Variants in TENM4 observed in about 807,000 individuals in gnomAD.
The protein encoded by TENM4 is teneurin-4.
Under a neutral mutation model 243.3 loss-of-function variants are expected in TENM4, and 82 were observed. That is an observed-to-expected ratio of 0.34 (90% CI 0.28 to 0.40). TENM4 has a LOEUF of 0.40. Ranked by LOEUF, TENM4 falls within the 10% of genes least tolerant of loss-of-function variation. TENM4 has a pLI of 1.00. For synonymous variants in TENM4, 1,412 were observed against 1,456.3 expected (o/e 0.97, Z 0.69); for missense variants, 3,138 against 3,673.3 (o/e 0.85, Z 3.77).
At chr11:78,713,440 CAGAG>C (rs1859447126) in intron 25 of TENM4, among the ~76,000 whole-genome samples, 1 of 152,212 alleles carries the variant, frequency 6.6e-6, no homozygotes, top group Non-Finnish European at 1.5e-5. Context: ...GCTGTGCCAA[CAGAG>C]AGAGAAGCTT....
At chr11:79,184,301 G>T (rs1863344003) in intron 3 of TENM4, among the ~76,000 whole-genome samples, 1 of 152,110 alleles carries the variant, frequency 6.6e-6, no homozygotes, top group African/African-American at 2.4e-5. Context: ...GATGGTTTCA[G>T]GATGAACCTG....
At chr11:79,421,293 T>A (rs1039210568) in intron 1 of TENM4, among the ~76,000 whole-genome samples, 1 of 152,220 alleles carries the variant, frequency 6.6e-6, no homozygotes, top group Non-Finnish European at 1.5e-5. Context: ...TTCATCCATA[T>A]GTATGTGAAG....
chr11:78,880,709 C>T (rs1439915084), intron 9 of TENM4, among the ~76,000 whole-genome samples: 1 of 152,202 alleles, frequency 6.6e-6, no homozygotes, highest in Non-Finnish European at 1.5e-5. Context: ...TTGTTTGCCC[C>T]AGTATCTTGA....
intron 1 of TENM4, among the ~76,000 whole-genome samples, chr11:79,390,386 C>T (rs573584334): frequency 6.6e-6 from 1 of 152,226 alleles, no homozygotes; most frequent in Non-Finnish European, 1.5e-5. Flanking sequence ...CATTTGCTCT[C>T]TACAGTACTT....
chr11:78,805,168 G>A (rs1391613941), intron 15 of TENM4, 124 bp downstream of exon 15: 1 of 597,942 alleles, frequency 1.7e-6, no homozygotes. Flanking sequence ...CAGAGAAAGA[G>A]GAAAAGCACT....
intron 28 of TENM4, among the ~76,000 whole-genome samples, chr11:78,696,529 G>A (rs897321297): frequency 6.6e-6 from 1 of 152,144 alleles, no homozygotes; most frequent in Non-Finnish European, 1.5e-5. Flanking sequence ...GTTTCCTTGT[G>A]CTAGGACTTT....
At chr11:79,000,350 C>A (rs1296449098) in intron 6 of TENM4, among the ~76,000 whole-genome samples, 4 of 151,822 alleles carry the variant, frequency 2.6e-5, no homozygotes, top group African/African-American at 7.3e-5. Flanking sequence ...TAAAAATAAA[C>A]CTATCAATAT....
At chr11:78,779,570 C>A (rs1435311952) in intron 16 of TENM4, among the ~76,000 whole-genome samples, 1 of 152,202 alleles carries the variant, frequency 6.6e-6, no homozygotes, top group Non-Finnish European at 1.5e-5. Flanking sequence ...TAATTCCCAG[C>A]ATGAATCACT....
At chr11:79,420,686 G>A (rs535159516) in intron 1 of TENM4, among the ~76,000 whole-genome samples, 1 of 151,682 alleles carries the variant, frequency 6.6e-6, no homozygotes, top group Non-Finnish European at 1.5e-5. Context: ...TTTTTTTTGG[G>A]GGGTGGGGGA....
chr11:79,232,287 G>C (rs545154756), intron 2 of TENM4, among the ~76,000 whole-genome samples: 3 of 152,176 alleles, frequency 2.0e-5, no homozygotes, highest in South Asian at 2.1e-4. Context: ...GTTTCAGATA[G>C]TACAGAGGCT....
intron 6 of TENM4, among the ~76,000 whole-genome samples, chr11:78,973,486 T>C (rs761992841): frequency 2.0e-5 from 3 of 152,182 alleles, no homozygotes; most frequent in Non-Finnish European, 4.4e-5. Context: ...TTTGGAGAAA[T>C]GTCTATTCAG....
At chr11:78,876,381 G>A (rs1424243608) in intron 9 of TENM4, among the ~76,000 whole-genome samples, 1 of 152,156 alleles carries the variant, frequency 6.6e-6, no homozygotes. Context: ...CCATAGATAG[G>A]TAAAATGCAC....
chr11:79,117,872 C>A (rs866389221), intron 4 of TENM4, among the ~76,000 whole-genome samples: 17 of 152,194 alleles, frequency 1.1e-4, no homozygotes, highest in Admixed American at 6.5e-5. Flanking sequence ...TAGCCATCAA[C>A]ACACACTAGT....
chr11:79,137,499 A>C (rs1019522798), intron 4 of TENM4, among the ~76,000 whole-genome samples: 5 of 152,138 alleles, frequency 3.3e-5, no homozygotes, highest in Admixed American at 3.3e-4. Flanking sequence ...CAGGCAAAAA[A>C]ACCCACAAGG....
At chr11:78,695,098 G>A (rs931702163) in intron 28 of TENM4, among the ~76,000 whole-genome samples, 12 of 151,952 alleles carry the variant, frequency 7.9e-5, no homozygotes, top group African/African-American at 2.9e-4. Context: ...CCAGGCTGGA[G>A]TGCAGTGGTG....
chr11:78,895,686 T>A (rs1460595971), intron 7 of TENM4, among the ~76,000 whole-genome samples: 1 of 152,214 alleles, frequency 6.6e-6, no homozygotes, highest in East Asian at 1.9e-4. Context: ...TGCTCACTGC[T>A]GCTGAGAGCT....
chr11:79,428,840 G>A (rs543181469), intron 1 of TENM4, among the ~76,000 whole-genome samples: 1 of 152,156 alleles, frequency 6.6e-6, no homozygotes, highest in Non-Finnish European at 1.5e-5. Context: ...ATCCCTTTAT[G>A]CTGCTTTGAA....
At chr11:79,142,401 TA>T (rs1383611962) in intron 4 of TENM4, among the ~76,000 whole-genome samples, 2 of 151,980 alleles carry the variant, frequency 1.3e-5, no homozygotes, top group African/African-American at 4.8e-5. Context: ...ATAAAGTTGT[TA>T]AATACCTAGG....
intron 4 of TENM4, among the ~76,000 whole-genome samples, chr11:79,074,270 T>C (rs1860482869): frequency 6.6e-6 from 1 of 152,088 alleles, no homozygotes; most frequent in Admixed American, 6.6e-5. Context: ...AAGAAGAGGT[T>C]GGGGTGAAAG....
Sources: gnomAD v4.1 joint callset for allele counts (sites outside exome capture counted in the v4.1 genomes callset) on GRCh38, gnomAD v4.1.1 for gene constraint, MANE v1.5 for transcripts, NCBI Gene and HGNC (gene_info 2026-07-23, HGNC 2026-07-21) for gene names.